The following ASNS variants were observed in gnomAD, a reference collection of about 807,000 sequenced individuals.
The protein encoded by ASNS is asparagine synthetase (glutamine-hydrolyzing).
ASNS carries 37 observed loss-of-function variants against 62.6 expected under a neutral mutation model. The observed-to-expected ratio is 0.59, with a 90% CI of 0.45 to 0.78. The LOEUF (loss-of-function observed/expected upper bound fraction) is 0.78. ASNS is among the 30% of genes least tolerant of loss of function. The pLI is 0.00. For missense variants in ASNS, 520 were observed against 682.4 expected, an observed-to-expected ratio of 0.76 and a Z score of 2.65; for synonymous variants, 207 against 237.9, an observed-to-expected ratio of 0.87 and a Z score of 1.19.
the ASNS span, among the ~76,000 whole-genome samples, chr7:97,905,329 C>T: frequency 6.6e-6 from 1 of 152,150 alleles, no homozygotes; most frequent in African/African-American, 2.4e-5. Flanking sequence ...CCACACCCAC[C>T]TGGAAAATCT....
chr7:97,914,101 T>C, the ASNS span, among the ~76,000 whole-genome samples: 1 of 15,352 alleles, frequency 6.5e-5, no homozygotes, highest in African/African-American at 2.6e-4. Context: ...GATGGATAGA[T>C]GGGTGGGTGG....
chr7:97,924,087 G>A, the ASNS span, among the ~76,000 whole-genome samples: 59 of 152,084 alleles, frequency 3.9e-4, no homozygotes, highest in African/African-American at 1.4e-3. Flanking sequence ...CCAACCCTGC[G>A]GTTAAATGTT....
chr7:97,871,976 G>C (rs1792292150), intron 1 of ASNS: 1 of 152,264 alleles, frequency 6.6e-6, no homozygotes, highest in African/African-American at 2.4e-5. Flanking sequence ...CAGGGACCCG[G>C]ACCGCGAAAA....
chr7:97,854,603 T>C lies in ASNS; in HGVS notation c.1215A>G (p.Ala405=). ...RELYLFDVLR[A]DRTTAAHGLE... ...ACCCATGGGCAGCAGTAGTTCGATC[T>C]GCGCGGAGAACATCAAACAAATAGA... The change falls in exon 10 of 13, where the codon GCA becomes GCG. Residue 405 remains alanine (A), a synonymous_variant. Coordinates refer to ENST00000394308, the MANE Select transcript of ASNS (RefSeq NM_001673.5). The C allele has an allele frequency of 1.2e-6, 2 of 1,613,770 alleles. No homozygotes were observed. Among genetic ancestry groups the C allele is most frequent in the Non-Finnish European group, 1.7e-6 (2 of 1,179,870 alleles).
At chr7:97,915,434 A>G in the ASNS span, among the ~76,000 whole-genome samples, 143 of 152,342 alleles carry the variant, frequency 9.4e-4, 1 homozygote, top group African/African-American at 3.3e-3. Flanking sequence ...AATTCTAGGT[A>G]AGCATATACT....
the ASNS span, chr7:97,885,727 T>C: frequency 1.8e-5 from 4 of 218,782 alleles, no homozygotes; most frequent in Non-Finnish European, 2.8e-5. Context: ...ATTGGAATAA[T>C]ATCACAGATT....
At chr7:97,918,933 G>A in the ASNS span, among the ~76,000 whole-genome samples, 3 of 152,048 alleles carry the variant, frequency 2.0e-5, no homozygotes, top group Admixed American at 6.6e-5. Context: ...ATCTCAGAAC[G>A]TAGAATAAAA....
the ASNS span, among the ~76,000 whole-genome samples, chr7:97,918,340 C>T: frequency 6.6e-6 from 1 of 152,182 alleles, no homozygotes; most frequent in Non-Finnish European, 1.5e-5. Flanking sequence ...AGGAACATCT[C>T]ACAGAAATGC....
At chr7:97,919,946 T>C in the ASNS span, among the ~76,000 whole-genome samples, 3 of 152,120 alleles carry the variant, frequency 2.0e-5, no homozygotes, top group Non-Finnish European at 4.4e-5. Context: ...CTTCCTCTTC[T>C]GTGCCTTTAA....
At chr7:97,881,682 C>T in the ASNS span, among the ~76,000 whole-genome samples, 88,166 of 151,826 alleles carry the variant, frequency 0.58, 26,483 homozygotes, top group African/African-American at 0.74. Flanking sequence ...GCCTTGGTAT[C>T]GTCTCATCTC....
Position 97,852,167 on chromosome 7 carries a change from G to T in ASNS, c.*92C>A. 7.1e-7 allele frequency: 1 copy of T among 1,411,152 alleles called. No individual in the cohort carries two copies. Among genetic ancestry groups the T allele is most frequent in the Non-Finnish European group, 9.8e-7 (1 of 1,025,472 alleles). 87.4% of individuals were successfully genotyped at this position (1,411,152 alleles called of 1,614,324 possible). A position where few individuals can be genotyped will look rare whatever the true frequency, so the allele number is the denominator to read the frequency against. ...TTTTATTTTTTTCACACCCAAGTTA[G>T]CCTGAGTTGACTCTCATTGTTCCCC... On this transcript the variant is annotated 3_prime_UTR_variant, in exon 13 of 13. Transcript: ENST00000394308.
intron 3 of ASNS, among the ~76,000 whole-genome samples, chr7:97,865,930 C>G (rs1261135308): frequency 6.6e-6 from 1 of 152,044 alleles, no homozygotes; most frequent in African/African-American, 2.4e-5. Flanking sequence ...CCCTAGGGAA[C>G]GCCAAATAAA....
At chr7:97,888,454 T>C in the ASNS span, among the ~76,000 whole-genome samples, 1 of 152,180 alleles carries the variant, frequency 6.6e-6, no homozygotes, top group Non-Finnish European at 1.5e-5. Flanking sequence ...AAATTAAGTT[T>C]TACTGGAATA....
At chr7:97,888,018 G>A in the ASNS span, among the ~76,000 whole-genome samples, 1 of 152,158 alleles carries the variant, frequency 6.6e-6, no homozygotes, top group East Asian at 1.9e-4. Flanking sequence ...TCTTTGCCTA[G>A]GCTAGAGTAC....
the ASNS span, among the ~76,000 whole-genome samples, chr7:97,925,181 T>C: frequency 6.6e-6 from 1 of 152,220 alleles, no homozygotes; most frequent in African/African-American, 2.4e-5. Flanking sequence ...GCATTTTCCA[T>C]GTACTGTCTT....
chr7:97,924,899 G>T, the ASNS span, among the ~76,000 whole-genome samples: 1 of 152,224 alleles, frequency 6.6e-6, no homozygotes, highest in African/African-American at 2.4e-5. Flanking sequence ...CACCTTGGGA[G>T]GCCGAGGCAG....
rs547731438 is a variant in ASNS at position 97,867,046 on chromosome 7, C to T, written c.249+1862G>A. The stretch of plus-strand genomic sequence containing the variant: ...AAAAGGAGAAGGGTCCTTTGGGTAA[C>T]GGATGTATTACTTCCTACTCTCCTA... On this transcript the variant is annotated intron_variant, in intron 3 of 12. Coordinates refer to ENST00000394308, the MANE Select transcript of ASNS (RefSeq NM_001673.5). Among the ~76,000 whole-genome samples, 32 of 130,656 alleles carry T rather than the reference C, an allele frequency of 2.4e-4. 2 individuals carry two copies. The highest frequency in any genetic ancestry group is 2.5e-4 in the African/African-American group (10 of 40,174). 85.7% of individuals were successfully genotyped at this position (130,656 alleles called of 152,430 possible). A position where few individuals can be genotyped will look rare whatever the true frequency, so the allele number is the denominator to read the frequency against.
intron 3 of ASNS, among the ~76,000 whole-genome samples, chr7:97,866,354 C>T (rs28393117): frequency 0.82 from 124,352 of 152,222 alleles, 51,458 homozygotes; most frequent in African/African-American, 0.94. Context: ...ACCACTGCAG[C>T]AGCATTAAAG....
At chr7:97,918,931 A>C in the ASNS span, among the ~76,000 whole-genome samples, 1 of 152,182 alleles carries the variant, frequency 6.6e-6, no homozygotes, top group African/African-American at 2.4e-5. Flanking sequence ...GTATCTCAGA[A>C]CGTAGAATAA....
Sources: gnomAD v4.1 joint callset for allele counts (sites outside exome capture counted in the v4.1 genomes callset) on GRCh38, gnomAD v4.1.1 for gene constraint, MANE v1.5 for transcripts, NCBI Gene and HGNC (gene_info 2026-07-23, HGNC 2026-07-21) for gene names.